Variants in KCNIP4 observed in about 807,000 individuals in gnomAD.
KCNIP4 encodes the protein Kv channel-interacting protein 4.
A neutral mutation model predicts 34.0 loss-of-function variants in KCNIP4; 12 were observed. The ratio of observed to expected loss-of-function variants is 0.35; its 90% CI spans 0.23 to 0.57. The LOEUF is 0.57. Ranked by LOEUF, KCNIP4 falls within the 20% of genes least tolerant of loss-of-function variation. The pLI, the probability that KCNIP4 is intolerant of heterozygous loss-of-function variation, is 0.83. For missense variants in KCNIP4, 238 were observed against 311.7 expected (o/e 0.76, Z 1.78); for synonymous variants, 124 against 102.2 (o/e 1.21, Z -1.29).
intron 1 of KCNIP4, among the ~76,000 whole-genome samples, chr4:20,964,186 T>A (rs111478299): frequency 2.6e-5 from 4 of 152,224 alleles, no homozygotes; most frequent in Non-Finnish European, 5.9e-5. Context: ...CTGTTTTACA[T>A]AGAGAAGCTT....
chr4:21,357,467 T>C (rs1048360175), intron 1 of KCNIP4, among the ~76,000 whole-genome samples: 1 of 152,080 alleles, frequency 6.6e-6, no homozygotes, highest in East Asian at 1.9e-4. Flanking sequence ...TAAACAAATT[T>C]ACAAGAAAAA....
chr4:21,383,337 T>C (rs2109483889), intron 1 of KCNIP4, among the ~76,000 whole-genome samples: 1 of 151,808 alleles, frequency 6.6e-6, no homozygotes, highest in Non-Finnish European at 1.5e-5. Flanking sequence ...CAGTTTACGA[T>C]CTGGTGGGGA....
intron 1 of KCNIP4, among the ~76,000 whole-genome samples, chr4:20,895,725 T>C (rs1726441995): frequency 6.6e-6 from 1 of 152,228 alleles, no homozygotes. Flanking sequence ...GAATAGTCAA[T>C]GAAGCAAAGT....
At chr4:21,178,467 G>GAACTGCCTATTCTAAGTGTTT (rs1754596185) in intron 1 of KCNIP4, among the ~76,000 whole-genome samples, 3 of 151,772 alleles carry the variant, frequency 2.0e-5, no homozygotes, top group African/African-American at 7.3e-5. Flanking sequence ...TGAAGGTAGT[G>GAACTGCCTATTCTAAGTGTTT]GATTCACAGA....
chr4:21,573,613 C>A (rs1577620257), intron 1 of KCNIP4, among the ~76,000 whole-genome samples: 1 of 152,076 alleles, frequency 6.6e-6, no homozygotes. Context: ...TTCCTCTGAG[C>A]AATACCTTAG....
intron 1 of KCNIP4, among the ~76,000 whole-genome samples, chr4:20,918,603 G>A (rs898686850): frequency 1.3e-5 from 2 of 152,040 alleles, no homozygotes; most frequent in Non-Finnish European, 2.9e-5. Flanking sequence ...TCCAGATGCC[G>A]TACTAGGAAC....
At chr4:21,111,176 T>C (rs1749132497) in intron 1 of KCNIP4, among the ~76,000 whole-genome samples, 1 of 152,200 alleles carries the variant, frequency 6.6e-6, no homozygotes, top group Admixed American at 6.5e-5. Flanking sequence ...AGCATTTCAT[T>C]ATCCCTGGAT....
intron 1 of KCNIP4, among the ~76,000 whole-genome samples, chr4:21,528,960 G>A (rs765805796): frequency 4.0e-5 from 6 of 151,848 alleles, no homozygotes; most frequent in African/African-American, 1.2e-4. Context: ...CATGGCTTTC[G>A]GCCAATGAAA....
At chr4:21,351,641 AG>A (rs2109376109) in intron 1 of KCNIP4, among the ~76,000 whole-genome samples, 1 of 152,332 alleles carries the variant, frequency 6.6e-6, no homozygotes, top group Admixed American at 6.5e-5. Context: ...GAGATAGTTA[AG>A]GTGAAATGAG....
At chr4:21,422,636 G>A (rs1725576328) in intron 1 of KCNIP4, among the ~76,000 whole-genome samples, 1 of 149,968 alleles carries the variant, frequency 6.7e-6, no homozygotes, top group African/African-American at 2.5e-5. Context: ...AGTAGTTGGG[G>A]GAAACATCGT....
intron 1 of KCNIP4, among the ~76,000 whole-genome samples, chr4:20,974,214 C>A (rs1444159719): frequency 6.6e-6 from 1 of 152,078 alleles, no homozygotes; most frequent in Non-Finnish European, 1.5e-5. Flanking sequence ...GCTCTGGACA[C>A]CGTGAAAATA....
chr4:20,948,528 T>A (rs2149634219), intron 1 of KCNIP4, among the ~76,000 whole-genome samples: 1 of 152,300 alleles, frequency 6.6e-6, no homozygotes, highest in African/African-American at 2.4e-5. Context: ...TTCGTTACAC[T>A]CCTGCAGCAT....
intron 1 of KCNIP4, among the ~76,000 whole-genome samples, chr4:21,772,635 C>G (rs942864386): frequency 5.9e-5 from 9 of 152,116 alleles, no homozygotes; most frequent in African/African-American, 1.9e-4. Flanking sequence ...CAACTGCTTC[C>G]TGGTTTAGTC....
intron 2 of KCNIP4, among the ~76,000 whole-genome samples, chr4:20,855,549 C>G (rs889768472): frequency 1.3e-5 from 2 of 152,056 alleles, no homozygotes; most frequent in African/African-American, 4.8e-5. Flanking sequence ...TCTGTTCCTC[C>G]TTACTACTCT....
chr4:20,926,677 ATT>A (rs1729924144), intron 1 of KCNIP4, among the ~76,000 whole-genome samples: 1 of 152,126 alleles, frequency 6.6e-6, no homozygotes, highest in Non-Finnish European at 1.5e-5. Flanking sequence ...ATGTTTTGAG[ATT>A]CTTTAAGGCA....
At chr4:20,855,996 T>G (rs1560518144) in intron 2 of KCNIP4, among the ~76,000 whole-genome samples, 1 of 152,182 alleles carries the variant, frequency 6.6e-6, no homozygotes, top group Admixed American at 6.5e-5. Context: ...CATTAACAAA[T>G]TGATCTGGGC....
intron 5 of KCNIP4, among the ~76,000 whole-genome samples, chr4:20,743,982 C>T (rs1438638454): frequency 1.2e-4 from 18 of 151,538 alleles, no homozygotes; most frequent in Admixed American, 8.5e-4. Flanking sequence ...CAAAAGAAGA[C>T]ATTTATGCAG....
At chr4:21,120,096 G>T (rs1897663) in intron 1 of KCNIP4, among the ~76,000 whole-genome samples, 10,155 of 152,180 alleles carry the variant, frequency 0.067, 419 homozygotes, top group East Asian at 0.14. Flanking sequence ...AGGTCAACGT[G>T]GGGGAGGGTA....
At chr4:21,691,417 T>C (rs938804334) in intron 1 of KCNIP4, among the ~76,000 whole-genome samples, 2 of 152,162 alleles carry the variant, frequency 1.3e-5, no homozygotes, top group Non-Finnish European at 2.9e-5. Context: ...TCTTCAATAG[T>C]TTACTGTTAC....
Sources: allele counts gnomAD v4.1 joint callset (sites outside exome capture counted in the v4.1 genomes callset), GRCh38; gene constraint gnomAD v4.1.1; transcripts MANE v1.5; gene names NCBI Gene and HGNC (gene_info 2026-07-23, HGNC 2026-07-21).